LYRM7: variants seen among roughly 807,000 people sequenced by gnomAD.
LYRM7 encodes LYR motif containing 7.
LYRM7 carries 9 observed loss-of-function variants against 15.8 expected under a neutral mutation model. The ratio of observed to expected loss-of-function variants is 0.57; its 90% CI spans 0.34 to 0.99. The LOEUF (loss-of-function observed/expected upper bound fraction) is 0.99, where lower values mean the gene tolerates loss of function less well. LYRM7 is among the 50% of genes least tolerant of loss of function. The pLI, the probability that LYRM7 is intolerant of heterozygous loss-of-function variation, is 0.02. For synonymous variants in LYRM7, 39 were observed against 39.4 expected, an observed-to-expected ratio of 0.99 and a Z score of 0.04; for missense variants, 115 against 119.1, an observed-to-expected ratio of 0.97 and a Z score of 0.16.
At chr5:131,181,318 C>CATATATATATATATATATATATAT (rs1394202144) in intron 2 of LYRM7, among the ~76,000 whole-genome samples, 1 of 34,282 alleles carries the variant, frequency 2.9e-5, no homozygotes, top group African/African-American at 1.1e-4. Context: ...TATATATATA[C>CATATATATATATATATATATATAT]ACACACACAC....
rs1311111195 is a variant in LYRM7 at position 131,203,530 on chromosome 5, C to T, written c.*3929C>T. ...CCAACATGGAGAAACCCCGTCTCTA[C>T]TAAAAATACAAAATTAGCCAGGCGT... On this transcript the variant is annotated 3_prime_UTR_variant, in exon 5 of 5. Transcript: ENST00000379380. 2 of 152,140 alleles carry T rather than the reference C, an allele frequency of 1.3e-5. No individual in the cohort carries two copies. The highest frequency in any genetic ancestry group is 2.9e-5 in the Non-Finnish European group (2 of 68,036). 9.4% of individuals were successfully genotyped at this position (152,140 alleles called of 1,614,324 possible). A position where few individuals can be genotyped will look rare whatever the true frequency, so the allele number is the denominator to read the frequency against.
At chr5:131,186,244 AGTGTTCT>A (rs1238201559) in intron 3 of LYRM7, among the ~76,000 whole-genome samples, 1 of 152,204 alleles carries the variant, frequency 6.6e-6, no homozygotes. Context: ...TTGGAGTTCA[AGTGTTCT>A]GAACATCTAA....
rs373893622 is a variant in LYRM7, at chr5:131,182,287, G to C, written c.150G>C (p.Lys50Asn). 1.8e-4 allele frequency: 257 copies of C among 1,406,302 alleles called. No individual in the cohort carries two copies. The highest frequency in any genetic ancestry group is 2.4e-4 in the Non-Finnish European group (250 of 1,039,814). 87.1% of individuals were successfully genotyped at this position (1,406,302 alleles called of 1,614,324 possible). A position where few individuals can be genotyped will look rare whatever the true frequency, so the allele number is the denominator to read the frequency against. Residue 50 changes from lysine to asparagine, a missense_variant, in exon 3 of 5, where the codon AAG (lysine) becomes AAC (asparagine). Transcript: ENST00000379380. The part of the protein sequence containing the change: ...FKNNKSETSS[K>N]KIEELMKIGS... ...ATAATAAAAGTGAAACTTCTTCTAA[G>C]AAAATAGAAGAGGTACAGTAATTTT...
In LYRM7 at chr5:131,204,815, A is replaced by T. The variant is rs1166615527; in HGVS notation, c.*5214A>T. ...ATACAAGAAAACTTTTTGTGTACATATTTGCATATATATGTACAAATGGGT... is the reference window on the plus strand; with the variant it reads ...ATACAAGAAAACTTTTTGTGTACATTTTTGCATATATATGTACAAATGGGT... On this transcript the variant is annotated 3_prime_UTR_variant, in exon 5 of 5. Transcript: ENST00000379380. The T allele has an allele frequency of 6.6e-6, 1 of 152,094 alleles. No homozygotes were observed. Among genetic ancestry groups the T allele is most frequent in the Non-Finnish European group, 1.5e-5 (1 of 68,006 alleles). The allele number at this position is 152,094 out of a possible 1,614,324, so 9.4% of individuals were successfully genotyped here.
intron 1 of LYRM7, among the ~76,000 whole-genome samples, chr5:131,179,351 A>G (rs1280077534): frequency 1.3e-5 from 2 of 152,194 alleles, no homozygotes; most frequent in Admixed American, 1.3e-4. Context: ...CTATGAAACA[A>G]ACAGAAAAGG....
At position 131,204,598 on chromosome 5, in the gene LYRM7, AATGGCC is replaced by A. The variant is rs1429510964; in HGVS notation, c.*4999_*5004del. 1.3e-5 allele frequency: 2 copies of A among 151,850 alleles called. No homozygotes were observed. Among genetic ancestry groups the A allele is most frequent in the Non-Finnish European group, 2.9e-5 (2 of 67,976 alleles). The allele number at this position is 151,850 out of a possible 1,614,324, so 9.4% of individuals were successfully genotyped here. A position where few individuals can be genotyped will look rare whatever the true frequency, so the allele number is the denominator to read the frequency against. ...ACCAACATGACTGATGCTCAAAGGA[AATGGCC>A]ACTGGAAGATTTCAGATTTTCAGAT... On this transcript the variant is annotated 3_prime_UTR_variant, in exon 5 of 5. Transcript: ENST00000379380.
chr5:131,179,474 T>TTTTTTTTTTTTTTTTTTTTTTTTTTTTC (rs1755656398), intron 1 of LYRM7, among the ~76,000 whole-genome samples: 11 of 23,478 alleles, frequency 4.7e-4, no homozygotes, highest in Non-Finnish European at 1.6e-3. Context: ...TTTTTTTTTC[T>TTTTTTTTTTTTTTTTTTTTTTTTTTTTC]TTTTTTTTTT....
chr5:131,193,382 T>G (rs982108939), intron 4 of LYRM7, among the ~76,000 whole-genome samples: 3 of 152,152 alleles, frequency 2.0e-5, no homozygotes, highest in Admixed American at 2.0e-4. Flanking sequence ...AATGCCAGGA[T>G]AGGAGGCAGA....
At chr5:131,186,982 T>G in intron 3 of LYRM7, 46 bp from the exon 4 acceptor site, 2 of 1,085,748 alleles carry the variant, frequency 1.8e-6, no homozygotes, top group Non-Finnish European at 2.7e-6. Flanking sequence ...TACATTCATA[T>G]GAAACACCTA....
chr5:131,172,704 A>C (rs1419172110), intron 1 of LYRM7, among the ~76,000 whole-genome samples: 1 of 152,224 alleles, frequency 6.6e-6, no homozygotes, highest in Non-Finnish European at 1.5e-5. Context: ...ACGTCCAAAA[A>C]AAAATAGGAA....
Position 131,199,529 on chromosome 5 carries a change from A to C in LYRM7, c.245-2A>C. 6.4e-7 allele frequency: 1 copy of C among 1,570,166 alleles called. No individual in the cohort carries two copies. The highest frequency in any genetic ancestry group is 8.6e-7 in the Non-Finnish European group (1 of 1,159,802). ...TTATTCTCTTTTTTTTTTTTCTTTCAGAACTGGTCCCTAGGAAAGACCTTC... is the reference window on the plus strand; with the variant it reads ...TTATTCTCTTTTTTTTTTTTCTTTCCGAACTGGTCCCTAGGAAAGACCTTC... On this transcript the variant is annotated splice_acceptor_variant, in intron 4 of 4. Coordinates refer to ENST00000379380, the MANE Select transcript of LYRM7 (RefSeq NM_181705.4). LOFTEE classifies it high-confidence loss of function.
intron 4 of LYRM7, among the ~76,000 whole-genome samples, chr5:131,190,187 G>A (rs1033928116): frequency 2.0e-5 from 3 of 151,532 alleles, no homozygotes; most frequent in Admixed American, 6.6e-5. Flanking sequence ...TCTGAGTTAT[G>A]GTTTTTTCGT....
In LYRM7 at chr5:131,199,652, A is replaced by G. The variant is rs1756026643; in HGVS notation, c.*51A>G. The G allele has an allele frequency of 8.2e-6, 11 of 1,335,734 alleles. No individual in the cohort carries two copies. The highest frequency in any genetic ancestry group is 1.1e-5 in the Non-Finnish European group (11 of 961,236). 82.7% of individuals were successfully genotyped at this position (1,335,734 alleles called of 1,614,324 possible). ...GTACTTTTTAACTTTAAAATCTACA[A>G]CTCTGGCAAAAGTCCTGGAAATGCA... On this transcript the variant is annotated 3_prime_UTR_variant, in exon 5 of 5. Coordinates refer to ENST00000379380, the MANE Select transcript of LYRM7 (RefSeq NM_181705.4).
At chr5:131,198,592 C>T (rs6596003) in intron 4 of LYRM7, among the ~76,000 whole-genome samples, 50,064 of 151,676 alleles carry the variant, frequency 0.33, 12,961 homozygotes, top group African/African-American at 0.73. Flanking sequence ...AGGTGGACTG[C>T]CACTGTGTCC....
rs1172796532 is a variant in LYRM7, at chr5:131,204,347, G to GT, written c.*4747dup. The GT allele has an allele frequency of 6.6e-6, 1 of 151,934 alleles. No homozygotes were observed. Among genetic ancestry groups the GT allele is most frequent in the Non-Finnish European group, 1.5e-5 (1 of 67,990 alleles). 9.4% of individuals were successfully genotyped at this position (151,934 alleles called of 1,614,324 possible). A position where few individuals can be genotyped will look rare whatever the true frequency, so the allele number is the denominator to read the frequency against. On this transcript the variant is annotated 3_prime_UTR_variant, in exon 5 of 5. Transcript: ENST00000379380. ...CTCAGGTATATGTACAGAAATTGCT[G>GT]TAACATTATAATTTTAAACAATTTA...
chr5:131,171,389 CA>C (rs1755520220), intron 1 of LYRM7, among the ~76,000 whole-genome samples: 1 of 152,128 alleles, frequency 6.6e-6, no homozygotes, highest in Non-Finnish European at 1.5e-5. Context: ...TAGGAGACGC[CA>C]AAGGCTGACC....
At chr5:131,172,174 G>A (rs1011117102) in intron 1 of LYRM7, among the ~76,000 whole-genome samples, 2 of 152,224 alleles carry the variant, frequency 1.3e-5, no homozygotes, top group Non-Finnish European at 2.9e-5. Context: ...AGCACTTTGG[G>A]AGACCGAGGC....
intron 4 of LYRM7, among the ~76,000 whole-genome samples, chr5:131,193,101 G>A (rs1255427537): frequency 6.6e-6 from 1 of 151,972 alleles, no homozygotes; most frequent in African/African-American, 2.4e-5. Context: ...CTAAACGAAC[G>A]ATACAGTTAA....
chr5:131,171,929 A>G (rs1755529080), intron 1 of LYRM7, among the ~76,000 whole-genome samples: 1 of 152,244 alleles, frequency 6.6e-6, no homozygotes. Flanking sequence ...AGCTATTATT[A>G]TAGCCAACAA....
Sources: gnomAD v4.1 joint callset for allele counts (sites outside exome capture counted in the v4.1 genomes callset) on GRCh38, gnomAD v4.1.1 for gene constraint, MANE v1.5 for transcripts, NCBI Gene and HGNC (gene_info 2026-07-23, HGNC 2026-07-21) for gene names.